Variants in PHLDB2 observed in about 807,000 individuals in gnomAD.
The protein encoded by PHLDB2 is pleckstrin homology like domain family B member 2, also known as pleckstrin homology-like domain family B member 2.
PHLDB2 carries 71 observed loss-of-function variants against 123.6 expected under a neutral mutation model. That is an observed-to-expected ratio of 0.57 (90% CI 0.47 to 0.70). The LOEUF (loss-of-function observed/expected upper bound fraction) is 0.70. Ranked by LOEUF, PHLDB2 falls within the 30% of genes least tolerant of loss-of-function variation. The pLI is 0.00. For missense variants in PHLDB2, 1,446 were observed against 1,519.5 expected (o/e 0.95, Z 0.80); for synonymous variants, 547 against 541.6 (o/e 1.01, Z -0.14).
chr3:111,787,784 A>G (rs1356306897), intron 1 of PHLDB2, among the ~76,000 whole-genome samples: 1 of 152,180 alleles, frequency 6.6e-6, no homozygotes, highest in Non-Finnish European at 1.5e-5. Flanking sequence ...AGTCTCTGGC[A>G]GCGTACCCAA....
intron 4 of PHLDB2, among the ~76,000 whole-genome samples, 174 bp downstream of exon 4, chr3:111,919,389 CTTTCTTTTTT>C (rs2068362091): frequency 1.6e-5 from 2 of 123,488 alleles, no homozygotes; most frequent in South Asian, 5.6e-4. Context: ...TTCCTTTTTT[CTTTCTTTTTT>C]TTTCCAACCA....
At chr3:111,784,916 T>C (rs2060621972) in intron 1 of PHLDB2, among the ~76,000 whole-genome samples, 1 of 152,190 alleles carries the variant, frequency 6.6e-6, no homozygotes, top group African/African-American at 2.4e-5. Context: ...TAAGTAGTGC[T>C]ATGATAAGAC....
Position 111,969,872 on chromosome 3 carries a change from T to G in PHLDB2, c.3498T>G (p.Val1166=), listed in dbSNP as rs780719871. The G allele has an allele frequency of 1.2e-6, 2 of 1,613,914 alleles. No individual in the cohort carries two copies. The highest frequency in any genetic ancestry group is 1.3e-5 in the African/African-American group (1 of 74,910). Residue 1166 remains valine (V), a synonymous_variant, in exon 16 of 18, where the codon GTT becomes GTG. Transcript: ENST00000431670. ...AAACGTGGAAAAAACGTTGGTTTGT[T>G]TTTGATCGGAACAAGCGAACATTCT... ...KIKTWKKRWF[V]FDRNKRTFSY... is the part of the protein sequence containing the mutation.
At chr3:111,904,276 T>TTAAAAAAAAAAAAAAAAAA (rs1368088646) in intron 2 of PHLDB2, among the ~76,000 whole-genome samples, 1 of 11,030 alleles carries the variant, frequency 9.1e-5, no homozygotes, top group Admixed American at 1.0e-3. Flanking sequence ...AGACCCTGTC[T>TTAAAAAAAAAAAAAAAAAA]CAAAAAAAAA....
At chr3:111,790,142 G>A (rs1343450919) in intron 1 of PHLDB2, among the ~76,000 whole-genome samples, 1 of 152,092 alleles carries the variant, frequency 6.6e-6, no homozygotes, top group Non-Finnish European at 1.5e-5. Context: ...TCTTAATTTT[G>A]TTCCTGCTTA....
intron 1 of PHLDB2, among the ~76,000 whole-genome samples, chr3:111,841,852 A>G (rs111844399): frequency 1.3e-3 from 202 of 152,318 alleles, no homozygotes; most frequent in African/African-American, 4.6e-3. Context: ...GCACTGTAGG[A>G]ATGCCCTGGA....
chr3:111,753,994 G>A (rs913736083), intron 1 of PHLDB2, among the ~76,000 whole-genome samples: 1 of 152,066 alleles, frequency 6.6e-6, no homozygotes, highest in African/African-American at 2.4e-5. Flanking sequence ...GCTCTGTTTT[G>A]TGCCATTGAT....
At chr3:111,960,689 T>A (rs1263036867) in intron 12 of PHLDB2, among the ~76,000 whole-genome samples, 1 of 152,170 alleles carries the variant, frequency 6.6e-6, no homozygotes, top group Non-Finnish European at 1.5e-5. Flanking sequence ...AAACTTTCAT[T>A]GAAAGGTAGG....
intron 6 of PHLDB2, among the ~76,000 whole-genome samples, chr3:111,933,148 G>C (rs1459984965): frequency 6.6e-6 from 1 of 152,168 alleles, no homozygotes; most frequent in African/African-American, 2.4e-5. Context: ...ATAGCCTCTT[G>C]GCAACTGGGT....
chr3:111,895,083 TTTTC>T (rs2066748717), intron 2 of PHLDB2, among the ~76,000 whole-genome samples: 1 of 152,200 alleles, frequency 6.6e-6, no homozygotes, highest in South Asian at 2.1e-4. Context: ...GTCATACCTT[TTTTC>T]TTTCTTCTTC....
chr3:111,857,647 G>C (rs558584473), upstream of PHLDB2, among the ~76,000 whole-genome samples: 2 of 151,996 alleles, frequency 1.3e-5, no homozygotes, highest in Non-Finnish European at 2.9e-5. Flanking sequence ...AAAAACTCAG[G>C]ACAGGGAAAA....
intron 9 of PHLDB2, among the ~76,000 whole-genome samples, chr3:111,945,826 G>A (rs1369102698): frequency 2.6e-5 from 4 of 151,374 alleles, no homozygotes; most frequent in Non-Finnish European, 5.9e-5. Context: ...CCCCACCCCC[G>A]CAACTGTTGT....
chr3:111,958,629 G>A (rs761828696), intron 12 of PHLDB2: 1 of 439,664 alleles, frequency 2.3e-6, no homozygotes, highest in Non-Finnish European at 4.5e-6. Flanking sequence ...TTAGAAACAA[G>A]CCTCAATTAG....
At chr3:111,840,683 G>T (rs1281408230) in intron 1 of PHLDB2, among the ~76,000 whole-genome samples, 1 of 152,054 alleles carries the variant, frequency 6.6e-6, no homozygotes, top group African/African-American at 2.4e-5. Context: ...TACTGACTAG[G>T]TGACCTTAGA....
chr3:111,949,138 C>A lies in PHLDB2; in HGVS notation c.2631+63C>A, dbSNP rs139721577. 4.6e-5 allele frequency: 72 copies of A among 1,577,182 alleles called. No homozygotes were observed. In the East Asian group the frequency reaches 1.6e-3, roughly 35 times the overall value. ...CTTCATGTCAGAAATTAACCCACGGCCAACTGAAAATGAGGTCCACGAGAA... is the reference window on the plus strand; with the variant it reads ...CTTCATGTCAGAAATTAACCCACGGACAACTGAAAATGAGGTCCACGAGAA... On this transcript the variant is annotated intron_variant, in intron 10 of 17. Transcript: ENST00000431670.
intron 2 of PHLDB2, among the ~76,000 whole-genome samples, chr3:111,887,400 G>A (rs758156013): frequency 8.5e-5 from 13 of 152,110 alleles, no homozygotes; most frequent in Non-Finnish European, 1.6e-4. Flanking sequence ...CTATTTGTTT[G>A]ACTACATTGT....
At chr3:111,840,655 G>A (rs1183251682) in intron 1 of PHLDB2, among the ~76,000 whole-genome samples, 1 of 152,138 alleles carries the variant, frequency 6.6e-6, no homozygotes, top group African/African-American at 2.4e-5. Flanking sequence ...ATTAAGGGGA[G>A]GTTGCTGACT....
Position 111,966,610 on chromosome 3 carries a change from C to T in PHLDB2, c.3078-3C>T. 6.2e-7 allele frequency: 1 copy of T among 1,609,710 alleles called. No homozygotes were observed. ...TCTCAAAAGGCTTTGGTGTTTCATT[C>T]AGTGCCAGCACTTCAAATATTGCTA... On this transcript the variant is annotated splice_polypyrimidine_tract_variant and splice_region_variant and intron_variant, in intron 13 of 17. Coordinates refer to ENST00000431670, the MANE Select transcript of PHLDB2 (RefSeq NM_001134438.2).
rs76294646 is a variant in PHLDB2, at chr3:111,819,136, T to C, written c.-48-26685T>C. Among the ~76,000 whole-genome samples the C allele has an allele frequency of 4.0e-3, 605 of 152,246 alleles. 4 individuals are homozygous for C. Among genetic ancestry groups the C allele is most frequent in the African/African-American group, 0.014 (564 of 41,546 alleles). On this transcript the variant is annotated intron_variant, in intron 1 of 17. Transcript: ENST00000393923. ...ATGTGTGTGCAAGTTCTCAGGTGTC[T>C]ATTCTTATGAGGGCACTCTTTTCAT...
Sources: gnomAD v4.1 joint callset for allele counts (sites outside exome capture counted in the v4.1 genomes callset) on GRCh38, gnomAD v4.1.1 for gene constraint, MANE v1.5 for transcripts, NCBI Gene and HGNC (gene_info 2026-07-23, HGNC 2026-07-21) for gene names.